Variants in NOSTRIN observed in about 807,000 individuals in gnomAD.
NOSTRIN encodes the protein nitric oxide synthase trafficking, also known as BM247 homolog.
Under a neutral mutation model 59.0 loss-of-function variants are expected in NOSTRIN, and 63 were observed. The observed-to-expected ratio is 1.07, with a 90% CI of 0.87 to 1.32. The LOEUF (loss-of-function observed/expected upper bound fraction) is 1.32, where lower values mean the gene tolerates loss of function less well. NOSTRIN is among the 40% of genes most tolerant of loss of function. The probability of loss-of-function intolerance (pLI) is 0.00; values close to 1 mark genes in which losing one functional copy is unlikely to be tolerated. For missense variants in NOSTRIN, 512 were observed against 473.1 expected (o/e 1.08, Z -0.76); for synonymous variants, 200 against 165.4 (o/e 1.21, Z -1.61).
At chr2:168,834,633 G>A (rs980850465) in intron 7 of NOSTRIN, among the ~76,000 whole-genome samples, 1 of 151,572 alleles carries the variant, frequency 6.6e-6, no homozygotes, top group Non-Finnish European at 1.5e-5. Context: ...AGGCTCAAGG[G>A]ATCCTCCCAC....
chr2:168,824,752 C>T lies in NOSTRIN; in HGVS notation c.197+35C>T, dbSNP rs201323452. On this transcript the variant is annotated intron_variant, in intron 3 of 15. Coordinates refer to ENST00000317647, the MANE Select transcript of NOSTRIN (RefSeq NM_001039724.4). ...GTGGCAGAGGTAAGGCAAAATCAACCCTTTTTTTATTTGTTTTTTGTTTGT... is the reference window on the plus strand; with the variant it reads ...GTGGCAGAGGTAAGGCAAAATCAACTCTTTTTTTATTTGTTTTTTGTTTGT... 5 of 763,266 alleles carry T rather than the reference C, an allele frequency of 6.6e-6. No homozygotes were observed. In the African/African-American group the frequency reaches 7.5e-5, roughly 11 times the overall value. The allele number at this position is 763,266 out of a possible 1,614,324, so 47.3% of individuals were successfully genotyped here. A position where few individuals can be genotyped will look rare whatever the true frequency, so the allele number is the denominator to read the frequency against.
At chr2:168,840,169 G>C (rs892117987) in intron 7 of NOSTRIN, among the ~76,000 whole-genome samples, 1 of 151,942 alleles carries the variant, frequency 6.6e-6, no homozygotes, top group Non-Finnish European at 1.5e-5. Context: ...GCATTGAACT[G>C]TTGCCAGGTT....
At chr2:168,823,296 G>A (rs781000922) in intron 2 of NOSTRIN, among the ~76,000 whole-genome samples, 4 of 152,342 alleles carry the variant, frequency 2.6e-5, no homozygotes, top group Admixed American at 6.5e-5. Context: ...GATTACAGGC[G>A]TGAGCCACCG....
In NOSTRIN at chr2:168,790,349, C is replaced by T. The variant is rs145228042; in HGVS notation, c.-473+2301C>T. Among the ~76,000 whole-genome samples, 30 of 152,208 alleles carry T rather than the reference C, an allele frequency of 2.0e-4. No individual in the cohort carries two copies. In the East Asian group the frequency reaches 4.2e-3, roughly 22 times the overall value. ...GGTGTTTGCCTAGTTTCAAGGTGTA[C>T]GTCACCACAAAATATTTACTAACTT... is the stretch of plus-strand genomic sequence containing the variant. On this transcript the variant is annotated intron_variant, in intron 2 of 20. Coordinates refer to the NOSTRIN transcript ENST00000458381.
chr2:168,804,077 TTTAA>T (rs1371903210), intron 1 of NOSTRIN, among the ~76,000 whole-genome samples: 7 of 152,280 alleles, frequency 4.6e-5, no homozygotes, highest in African/African-American at 1.7e-4. Context: ...GGTGGGCAGC[TTTAA>T]TTAAGTTTAA....
intron 10 of NOSTRIN, among the ~76,000 whole-genome samples, chr2:168,853,466 C>T (rs1029069434): frequency 6.6e-6 from 1 of 152,138 alleles, no homozygotes; most frequent in Non-Finnish European, 1.5e-5. Context: ...TTCTTTCTAA[C>T]AAATCTTTAG....
chr2:168,834,121 A>T, intron 6 of NOSTRIN, 106 bp from the exon 7 acceptor site: 1 of 657,350 alleles, frequency 1.5e-6, no homozygotes, highest in Non-Finnish European at 2.7e-6. Context: ...AGGATACATA[A>T]TTGTTAAAGC....
chr2:168,857,042 C>A (rs1689172866), intron 12 of NOSTRIN, among the ~76,000 whole-genome samples: 1 of 152,134 alleles, frequency 6.6e-6, no homozygotes. Flanking sequence ...CTTTAAGGGC[C>A]TAGAAACCAT....
At chr2:168,814,255 T>A (rs973875066) in intron 2 of NOSTRIN, among the ~76,000 whole-genome samples, 1 of 152,218 alleles carries the variant, frequency 6.6e-6, no homozygotes, top group East Asian at 1.9e-4. Context: ...CTAGTGTGTT[T>A]GAACTGAGTC....
At chr2:168,820,363 C>A (rs1449389312) in intron 2 of NOSTRIN, among the ~76,000 whole-genome samples, 1 of 152,100 alleles carries the variant, frequency 6.6e-6, no homozygotes, top group African/African-American at 2.4e-5. Flanking sequence ...ACCTATAACA[C>A]CCAGAATGAC....
At chr2:168,841,403 G>A (rs1453419117) in intron 7 of NOSTRIN, among the ~76,000 whole-genome samples, 2 of 151,944 alleles carry the variant, frequency 1.3e-5, no homozygotes, top group Non-Finnish European at 2.9e-5. Context: ...AGCTACCCTG[G>A]CCCAGGGAGT....
Position 168,859,593 on chromosome 2 carries a change from C to T in NOSTRIN, c.1135C>T (p.Pro379Ser). 3.7e-6 allele frequency: 6 copies of T among 1,614,054 alleles called. No individual in the cohort carries two copies. Among genetic ancestry groups the T allele is most frequent in the Non-Finnish European group, 5.1e-6 (6 of 1,179,968 alleles). The change falls in exon 13 of 16, where the codon CCC becomes TCC. Residue 379 changes from proline to serine, a missense_variant. Transcript: ENST00000317647. ...AGCAGAACTTGAGCAAAGACCTCAACCCAGCCATCCTTGTAGTAATTCCAT... is the reference window on the plus strand; with the variant it reads ...AGCAGAACTTGAGCAAAGACCTCAATCCAGCCATCCTTGTAGTAATTCCAT... ...MLAELEQRPQ[P>S]SHPCSNSIFR...
At chr2:168,863,627 G>C in intron 15 of NOSTRIN, 1 of 984,254 alleles carries the variant, frequency 1.0e-6, no homozygotes, top group Non-Finnish European at 1.2e-6. Flanking sequence ...TGTTGAATGG[G>C]GAGTTACATT....
At chr2:168,791,337 G>A (rs1294408748) in intron 2 of NOSTRIN, among the ~76,000 whole-genome samples, 4 of 152,098 alleles carry the variant, frequency 2.6e-5, no homozygotes, top group Non-Finnish European at 5.9e-5. Context: ...CCTTTTTATG[G>A]CTGCATAGTA....
chr2:168,816,765 G>A (rs559582020), intron 2 of NOSTRIN, among the ~76,000 whole-genome samples: 1 of 152,298 alleles, frequency 6.6e-6, no homozygotes, highest in Non-Finnish European at 1.5e-5. Flanking sequence ...TTCCCTAGAG[G>A]CTGAACTCCT....
chr2:168,834,507 G>GCGCGCGCACACACACA (rs756381301), intron 7 of NOSTRIN, among the ~76,000 whole-genome samples, 182 bp downstream of exon 7: 495 of 125,388 alleles, frequency 3.9e-3, no homozygotes, highest in Non-Finnish European at 4.7e-3. Context: ...GCGCGCGCGC[G>GCGCGCGCACACACACA]CACACACACA....
chr2:168,821,751 G>A (rs1416804095), intron 2 of NOSTRIN, among the ~76,000 whole-genome samples: 4 of 152,174 alleles, frequency 2.6e-5, no homozygotes, highest in African/African-American at 9.7e-5. Context: ...AGAAGCTCTC[G>A]GCAGAGGCCA....
chr2:168,832,511 G>A (rs534283087), intron 6 of NOSTRIN, among the ~76,000 whole-genome samples: 2 of 152,188 alleles, frequency 1.3e-5, no homozygotes, highest in African/African-American at 2.4e-5. Context: ...AGCCACTGAT[G>A]CCAAATAACT....
upstream of NOSTRIN, among the ~76,000 whole-genome samples, chr2:168,797,538 G>A (rs1685517107): frequency 6.6e-6 from 1 of 152,106 alleles, no homozygotes; most frequent in Non-Finnish European, 1.5e-5. Flanking sequence ...AAGTCAGCTG[G>A]GCCAACATAA....
Sources: gnomAD v4.1 joint callset for allele counts (sites outside exome capture counted in the v4.1 genomes callset) on GRCh38, gnomAD v4.1.1 for gene constraint, MANE v1.5 for transcripts, NCBI Gene and HGNC (gene_info 2026-07-23, HGNC 2026-07-21) for gene names.